The following SEMA3E variants were observed in gnomAD, a reference collection of about 807,000 sequenced individuals.
SEMA3E encodes semaphorin 3E.
SEMA3E carries 49 observed loss-of-function variants against 93.6 expected under a neutral mutation model. The ratio of observed to expected loss-of-function variants is 0.52; its 90% CI spans 0.42 to 0.66. The LOEUF (loss-of-function observed/expected upper bound fraction) is 0.66. Ranked by LOEUF, SEMA3E falls within the 30% of genes least tolerant of loss-of-function variation. The pLI, the probability that SEMA3E is intolerant of heterozygous loss-of-function variation, is 0.00. For synonymous variants in SEMA3E, 363 were observed against 330.7 expected (o/e 1.10, Z -1.06); for missense variants, 906 against 964.8 (o/e 0.94, Z 0.81).
At chr7:83,506,863 T>C (rs1790715326) in intron 1 of SEMA3E, among the ~76,000 whole-genome samples, 1 of 152,228 alleles carries the variant, frequency 6.6e-6, no homozygotes, top group Non-Finnish European at 1.5e-5. Context: ...ATGTCTATTA[T>C]AGAACTCACT....
rs997940668 is a variant in SEMA3E, at chr7:83,490,136, C to T, written c.254G>A (p.Arg85Lys). 1.2e-5 allele frequency: 19 copies of T among 1,612,848 alleles called. No homozygotes were observed. The South Asian group carries it at 2.1e-4, about 18-fold the overall frequency. Residue 85 changes from arginine (R) to lysine (K), a missense_variant, in exon 2 of 17, where the codon AGA becomes AAA. By Grantham distance (26) the Arg-to-Lys change is conservative (BLOSUM62 2). Transcript: ENST00000643230. ...RDLVYSLSLE[R>K]ISDGYKEIHW... ...TACCTCTTTATAGCCGTCACTGATT[C>T]TCTCCAAGCTGAGGGAATATACAAG... is the stretch of plus-strand genomic sequence containing the variant.
chr7:83,546,445 G>A (rs992119773), intron 1 of SEMA3E, among the ~76,000 whole-genome samples: 1 of 151,326 alleles, frequency 6.6e-6, no homozygotes, highest in African/African-American at 2.4e-5. Flanking sequence ...CAAAGGCACA[G>A]AGTCCAGTCT....
At chr7:83,405,261 T>C (rs997361092) in intron 9 of SEMA3E, among the ~76,000 whole-genome samples, 189 bp downstream of exon 9, 2 of 152,008 alleles carry the variant, frequency 1.3e-5, no homozygotes, top group Non-Finnish European at 1.5e-5. Context: ...TGGATTTAGA[T>C]TGAGCTTCTG....
At chr7:83,540,132 G>A (rs1160165160) in intron 1 of SEMA3E, among the ~76,000 whole-genome samples, 7 of 151,966 alleles carry the variant, frequency 4.6e-5, no homozygotes, top group South Asian at 2.1e-4. Flanking sequence ...ATCCACCCTC[G>A]TCGGCCTTGC....
intron 1 of SEMA3E, among the ~76,000 whole-genome samples, chr7:83,529,854 C>G (rs958903873): frequency 1.3e-5 from 2 of 152,144 alleles, no homozygotes; most frequent in Admixed American, 6.5e-5. Flanking sequence ...TTCCCTCCAT[C>G]TCTCCTTCTC....
In SEMA3E at chr7:83,394,293, T is replaced by G; in HGVS notation, c.1500+4A>C. 2 of 1,612,350 alleles carry G rather than the reference T, an allele frequency of 1.2e-6. No homozygotes were observed. The highest frequency in any genetic ancestry group is 2.2e-5 in the South Asian group (2 of 91,018). On this transcript the variant is annotated splice_donor_region_variant and intron_variant, in intron 13 of 16. Transcript: ENST00000643230. Reference sequence around the variant, plus strand: ...ACCTACACACACACACACACAGAACTTACCCGCTTTGAAGAAATCTCCATA... The same window carrying G: ...ACCTACACACACACACACACAGAACGTACCCGCTTTGAAGAAATCTCCATA...
chr7:83,468,647 A>G (rs1351963965), intron 3 of SEMA3E, among the ~76,000 whole-genome samples: 1 of 152,146 alleles, frequency 6.6e-6, no homozygotes, highest in Non-Finnish European at 1.5e-5. Flanking sequence ...AAAATCAGCT[A>G]GCCACTGCTC....
At chr7:83,400,570 A>C (rs1384831612) in intron 10 of SEMA3E, among the ~76,000 whole-genome samples, 1 of 151,844 alleles carries the variant, frequency 6.6e-6, no homozygotes, top group African/African-American at 2.4e-5. Flanking sequence ...AGGCCCCTAC[A>C]TCTGTTATTC....
At chr7:83,525,960 T>C (rs1246917685) in intron 1 of SEMA3E, among the ~76,000 whole-genome samples, 1 of 152,028 alleles carries the variant, frequency 6.6e-6, no homozygotes, top group Non-Finnish European at 1.5e-5. Context: ...GGTTATTTTT[T>C]TTTTTTTAGG....
intron 1 of SEMA3E, among the ~76,000 whole-genome samples, chr7:83,538,526 C>A (rs1163089204): frequency 2.6e-5 from 4 of 152,140 alleles, no homozygotes; most frequent in African/African-American, 9.7e-5. Context: ...CCTCATCCTT[C>A]CTCACCAACC....
chr7:83,609,268 TA>T (rs1276466784), intron 1 of SEMA3E, among the ~76,000 whole-genome samples: 1 of 151,932 alleles, frequency 6.6e-6, no homozygotes, highest in East Asian at 1.9e-4. Flanking sequence ...AAACTCTACT[TA>T]ACAACAACAA....
At chr7:83,476,378 TTC>T (rs1430496075) in intron 2 of SEMA3E, among the ~76,000 whole-genome samples, 2 of 152,160 alleles carry the variant, frequency 1.3e-5, no homozygotes, top group Non-Finnish European at 2.9e-5. Context: ...CTTGTAGGAT[TTC>T]TGAGGAAAGG....
intron 1 of SEMA3E, among the ~76,000 whole-genome samples, chr7:83,542,556 G>A (rs1374952298): frequency 1.3e-5 from 2 of 151,764 alleles, no homozygotes; most frequent in South Asian, 2.1e-4. Context: ...GAATTTTGCA[G>A]TATTTGAATA....
chr7:83,632,315 T>C (rs1323434853), intron 1 of SEMA3E, among the ~76,000 whole-genome samples: 1 of 152,172 alleles, frequency 6.6e-6, no homozygotes, highest in Non-Finnish European at 1.5e-5. Context: ...TATTGAGGAA[T>C]ATTCACCTAT....
chr7:83,531,787 T>C (rs964466617), intron 1 of SEMA3E, among the ~76,000 whole-genome samples: 1 of 152,350 alleles, frequency 6.6e-6, no homozygotes, highest in Middle Eastern at 3.4e-3. Flanking sequence ...AATTTTAAGA[T>C]AGCAAAATAT....
intron 1 of SEMA3E, among the ~76,000 whole-genome samples, chr7:83,501,708 T>C (rs540910140): frequency 6.6e-6 from 1 of 152,212 alleles, no homozygotes; most frequent in African/African-American, 2.4e-5. Context: ...ACAGGTCTAA[T>C]GTAACTTGTT....
chr7:83,486,735 A>T (rs1158871615), intron 2 of SEMA3E, among the ~76,000 whole-genome samples: 1 of 152,160 alleles, frequency 6.6e-6, no homozygotes, highest in Non-Finnish European at 1.5e-5. Flanking sequence ...ATGAAGCATA[A>T]CAAGCCTCAG....
intron 4 of SEMA3E, among the ~76,000 whole-genome samples, chr7:83,455,258 C>A (rs146772548): frequency 9.9e-5 from 15 of 152,122 alleles, no homozygotes; most frequent in African/African-American, 3.6e-4. Flanking sequence ...TATTCAAATG[C>A]TTATGCCCTC....
Position 83,645,806 on chromosome 7 carries a change from C to G in SEMA3E, c.115+2622G>C, listed in dbSNP as rs563659596. The stretch of plus-strand genomic sequence containing the variant: ...CTTCCTTTCCAGCTCTAGTTAAGAA[C>G]ATGTCATTCCCAGAAATAGTAATGG... On this transcript the variant is annotated intron_variant, in intron 1 of 16. Coordinates refer to ENST00000643230, the MANE Select transcript of SEMA3E (RefSeq NM_012431.3). Among the ~76,000 whole-genome samples, 12 of 151,726 alleles carry G rather than the reference C, an allele frequency of 7.9e-5. No individual in the cohort carries two copies. The East Asian group carries it at 2.3e-3, about 30-fold the overall frequency.
Sources: allele counts gnomAD v4.1 joint callset (sites outside exome capture counted in the v4.1 genomes callset), GRCh38; gene constraint gnomAD v4.1.1; transcripts MANE v1.5; gene names NCBI Gene and HGNC (gene_info 2026-07-23, HGNC 2026-07-21).